The following MEGF11 variants were observed in gnomAD, a reference collection of about 807,000 sequenced individuals.
MEGF11 encodes multiple epidermal growth factor-like domains protein 11.
MEGF11 carries 126 observed loss-of-function variants against 146.6 expected under a neutral mutation model. The observed-to-expected ratio is 0.86, with a 90% CI of 0.74 to 1.00. MEGF11 has a LOEUF of 1.00. Ranked by LOEUF, MEGF11 falls within the 50% of genes least tolerant of loss-of-function variation. MEGF11 has a pLI of 0.00. For synonymous variants in MEGF11, 532 were observed against 583.4 expected (o/e 0.91, Z 1.27); for missense variants, 1,509 against 1,521.2 (o/e 0.99, Z 0.13).
chr15:66,136,605 T>C (rs772623616), intron 1 of MEGF11, among the ~76,000 whole-genome samples: 3 of 152,198 alleles, frequency 2.0e-5, no homozygotes, highest in Non-Finnish European at 2.9e-5. Flanking sequence ...TAAAAAAAGG[T>C]TGTCAATATA....
intron 1 of MEGF11, among the ~76,000 whole-genome samples, chr15:66,155,623 C>T (rs1336141951): frequency 6.6e-6 from 1 of 152,166 alleles, no homozygotes; most frequent in East Asian, 1.9e-4. Context: ...CTAATAGAAA[C>T]CTCGATTTAA....
intron 3 of MEGF11, among the ~76,000 whole-genome samples, chr15:66,121,343 C>T (rs1241293201): frequency 6.6e-6 from 1 of 152,184 alleles, no homozygotes; most frequent in African/African-American, 2.4e-5. Context: ...TGAAAGAGAG[C>T]ATTTAGTCCC....
At chr15:65,969,090 C>T (rs1411847618) in intron 8 of MEGF11, among the ~76,000 whole-genome samples, 1 of 152,082 alleles carries the variant, frequency 6.6e-6, no homozygotes, top group Non-Finnish European at 1.5e-5. Flanking sequence ...CCTCTCTGCC[C>T]AGGATCATGG....
chr15:66,079,956 G>T (rs2085776120), intron 5 of MEGF11, among the ~76,000 whole-genome samples: 1 of 152,232 alleles, frequency 6.6e-6, no homozygotes, highest in Admixed American at 6.5e-5. Context: ...GTTTCTCCTG[G>T]GAGGCACTGT....
chr15:66,003,151 G>A (rs562940215), intron 5 of MEGF11, among the ~76,000 whole-genome samples: 5 of 151,982 alleles, frequency 3.3e-5, no homozygotes, highest in Admixed American at 6.6e-5. Flanking sequence ...GCACCACCAC[G>A]GCTGGCTAAT....
intron 5 of MEGF11, among the ~76,000 whole-genome samples, chr15:65,998,211 G>A (rs2082257635): frequency 6.6e-6 from 1 of 152,194 alleles, no homozygotes; most frequent in African/African-American, 2.4e-5. Context: ...CCTGGTCTAA[G>A]AGGGAGACAG....
chr15:66,024,153 G>A (rs1306640805), intron 5 of MEGF11, among the ~76,000 whole-genome samples: 1 of 152,232 alleles, frequency 6.6e-6, no homozygotes, highest in Non-Finnish European at 1.5e-5. Flanking sequence ...AGCAGTCTCT[G>A]TACTCCTGGT....
intron 4 of MEGF11, among the ~76,000 whole-genome samples, chr15:66,118,768 A>C (rs543555280): frequency 4.3e-4 from 65 of 152,242 alleles, no homozygotes; most frequent in Non-Finnish European, 8.8e-4. Flanking sequence ...GGCACCCAGC[A>C]CTTCTTCTCC....
At chr15:66,024,806 G>A (rs1018462330) in intron 5 of MEGF11, among the ~76,000 whole-genome samples, 3 of 152,186 alleles carry the variant, frequency 2.0e-5, no homozygotes, top group Admixed American at 6.5e-5. Flanking sequence ...CGGGACGGGG[G>A]CACTGTAGGG....
rs373602479 is a variant in MEGF11, at chr15:66,159,416, C to A, written c.-8-31005G>T. On this transcript the variant is annotated intron_variant, in intron 1 of 25. Transcript: ENST00000395614. ...AACCTCCAGAAATGAATGACCCATT[C>A]CTAGTCCTGGGGTCTAGGGCTGTTT... Among the ~76,000 whole-genome samples, 47 of 152,326 alleles carry A rather than the reference C, an allele frequency of 3.1e-4. 1 individual carries two copies. In the South Asian group the frequency reaches 9.5e-3, roughly 31 times the overall value.
intron 5 of MEGF11, among the ~76,000 whole-genome samples, chr15:66,034,763 G>A (rs1320158091): frequency 6.6e-6 from 1 of 152,104 alleles, no homozygotes; most frequent in Non-Finnish European, 1.5e-5. Flanking sequence ...TTATGTGTTG[G>A]AAACAATCCC....
intron 1 of MEGF11, among the ~76,000 whole-genome samples, chr15:66,245,776 A>G (rs2092287490): frequency 6.6e-6 from 1 of 152,172 alleles, no homozygotes; most frequent in African/African-American, 2.4e-5. Context: ...TAGAATTTAT[A>G]AAAACTATCC....
chr15:65,997,734 T>C (rs1271587003), intron 5 of MEGF11, among the ~76,000 whole-genome samples: 1 of 152,148 alleles, frequency 6.6e-6, no homozygotes, highest in Non-Finnish European at 1.5e-5. Context: ...AGATGCTCAA[T>C]AAATATTTGC....
At chr15:66,069,001 T>A (rs2085254931) in intron 5 of MEGF11, among the ~76,000 whole-genome samples, 1 of 152,212 alleles carries the variant, frequency 6.6e-6, no homozygotes, top group Admixed American at 6.5e-5. Context: ...GTGTGCTTGG[T>A]CACTGGGTGC....
intron 9 of MEGF11, among the ~76,000 whole-genome samples, chr15:65,958,067 C>T (rs1048199979): frequency 6.6e-6 from 1 of 152,178 alleles, no homozygotes; most frequent in Non-Finnish European, 1.5e-5. Context: ...AGTCCCTTGG[C>T]TTATAGACTA....
intron 5 of MEGF11, among the ~76,000 whole-genome samples, chr15:65,986,939 T>A (rs1567190979): frequency 6.6e-6 from 1 of 151,518 alleles, no homozygotes; most frequent in South Asian, 2.1e-4. Flanking sequence ...CTGGGATTAC[T>A]GGCTGATTTT....
intron 1 of MEGF11, among the ~76,000 whole-genome samples, chr15:66,137,786 G>T (rs1189745358): frequency 6.6e-6 from 1 of 151,890 alleles, no homozygotes; most frequent in Non-Finnish European, 1.5e-5. Context: ...GGACTCAAGT[G>T]ATCCTCCAGC....
chr15:66,205,442 T>C (rs1334012815), intron 1 of MEGF11, among the ~76,000 whole-genome samples: 2 of 152,126 alleles, frequency 1.3e-5, no homozygotes, highest in African/African-American at 4.8e-5. Flanking sequence ...AGATCCTGTC[T>C]TGGGGGTGGT....
chr15:66,139,218 C>T (rs1395811805), intron 1 of MEGF11, among the ~76,000 whole-genome samples: 2 of 152,192 alleles, frequency 1.3e-5, no homozygotes, highest in Non-Finnish European at 2.9e-5. Context: ...GCTCACCCAC[C>T]TTCCAGAACT....
Sources: allele counts gnomAD v4.1 joint callset (sites outside exome capture counted in the v4.1 genomes callset), GRCh38; gene constraint gnomAD v4.1.1; transcripts MANE v1.5; gene names NCBI Gene and HGNC (gene_info 2026-07-23, HGNC 2026-07-21).